Variants in ABCA13 observed in about 807,000 individuals in gnomAD.
ABCA13 encodes ATP-binding cassette sub-family A member 13.
ABCA13 carries 476 observed loss-of-function variants against 478.7 expected under a neutral mutation model. The ratio of observed to expected loss-of-function variants is 0.99; its 90% confidence interval spans 0.92 to 1.07. The LOEUF (loss-of-function observed/expected upper bound fraction) is 1.07. ABCA13 is among the 50% of genes least tolerant of loss of function. The probability of loss-of-function intolerance (pLI) is 0.00; values close to 1 mark genes in which losing one functional copy is unlikely to be tolerated. For missense variants in ABCA13, 6,060 were observed against 5,910.6 expected, an observed-to-expected ratio of 1.03 and a Z score of -0.83; for synonymous variants, 2,252 against 2,158.9, an observed-to-expected ratio of 1.04 and a Z score of -1.20.
intron 35 of ABCA13, among the ~76,000 whole-genome samples, chr7:48,377,673 T>A (rs1464634842): frequency 6.6e-6 from 1 of 152,126 alleles, no homozygotes; most frequent in Non-Finnish European, 1.5e-5. Flanking sequence ...TGTGATTTAT[T>A]TAGGAAAAAC....
chr7:48,273,632 TATC>T lies in ABCA13; in HGVS notation c.3971_3973del (p.Ile1324del), dbSNP rs1436627331. On this transcript the variant is annotated inframe_deletion, in exon 17 of 62. Coordinates refer to ENST00000435803, the MANE Select transcript of ABCA13 (RefSeq NM_152701.5). ...CAAATTATGGAGAAAAATTTGAAAA[TATC>T]ATCACTGAGCTAAGAGAAGCAATAG... The T allele has an allele frequency of 2.5e-6, 4 of 1,604,556 alleles. No individual in the cohort carries two copies. The highest frequency in any genetic ancestry group is 2.2e-5 in the South Asian group (2 of 89,764).
chr7:48,395,241 G>C (rs1816681043), intron 38 of ABCA13, among the ~76,000 whole-genome samples: 1 of 152,200 alleles, frequency 6.6e-6, no homozygotes, highest in Non-Finnish European at 1.5e-5. Flanking sequence ...CCAGTTGCAG[G>C]TGGAGGATGG....
At chr7:48,270,239 C>T (rs1162657054) in intron 16 of ABCA13, among the ~76,000 whole-genome samples, 1 of 152,016 alleles carries the variant, frequency 6.6e-6, no homozygotes, top group Non-Finnish European at 1.5e-5. Context: ...CAGCTTGAAC[C>T]TGTCAATTAA....
intron 57 of ABCA13, among the ~76,000 whole-genome samples, chr7:48,594,164 C>T (rs1790047520): frequency 6.6e-6 from 1 of 152,004 alleles, no homozygotes; most frequent in Non-Finnish European, 1.5e-5. Context: ...CTTTTTCTCA[C>T]CTTTTTTATT....
chr7:48,635,604 C>T (rs1023319737), intron 59 of ABCA13, among the ~76,000 whole-genome samples: 1 of 152,194 alleles, frequency 6.6e-6, no homozygotes, highest in Admixed American at 6.5e-5. Context: ...GGCACCATCA[C>T]CTCTCATCTG....
chr7:48,433,146 T>G (rs976421689), intron 42 of ABCA13, among the ~76,000 whole-genome samples: 5 of 151,782 alleles, frequency 3.3e-5, no homozygotes, highest in African/African-American at 4.8e-5. Flanking sequence ...AAATAAAATC[T>G]ACCAAGTGTG....
At position 48,273,697 on chromosome 7, in the gene ABCA13, T is replaced by G; in HGVS notation, c.4031T>G (p.Phe1344Cys). 6.2e-7 allele frequency: 1 copy of G among 1,608,582 alleles called. No homozygotes were observed. Among genetic ancestry groups the G allele is most frequent in the Non-Finnish European group, 8.5e-7 (1 of 1,177,052 alleles). Reference sequence around the variant, plus strand: ...AATGTATCACATGATCGAGATTTGTTTTCCTGTGCTGATATTTTCCAAAAT... The same window carrying G: ...AATGTATCACATGATCGAGATTTGTGTTCCTGTGCTGATATTTTCCAAAAT... The part of the protein sequence containing the change: ...LRNVSHDRDL[F>C]SCADIFQNVT... The change falls in exon 17 of 62, where the codon TTT becomes TGT. Residue 1344 changes from phenylalanine (F) to cysteine (C), a missense_variant. By Grantham distance (205) the Phe-to-Cys change is radical. Coordinates refer to ENST00000435803, the MANE Select transcript of ABCA13 (RefSeq NM_152701.5).
intron 27 of ABCA13, among the ~76,000 whole-genome samples, chr7:48,328,169 G>A (rs189965752): frequency 9.9e-5 from 15 of 152,256 alleles, no homozygotes; most frequent in Admixed American, 9.2e-4. Context: ...AAACTTGTAC[G>A]GGCTGGAAGT....
intron 10 of ABCA13, among the ~76,000 whole-genome samples, chr7:48,241,322 A>G (rs1790803804): frequency 6.6e-6 from 1 of 152,192 alleles, no homozygotes; most frequent in South Asian, 2.1e-4. Flanking sequence ...TCAGTTTCCT[A>G]GATTTTAGAT....
Position 48,302,261 on chromosome 7 carries a change from C to T in ABCA13, c.9321+3774C>T, listed in dbSNP as rs79593475. On this transcript the variant is annotated intron_variant, in intron 23 of 61. Transcript: ENST00000435803. ...TTGCACTTATGTAAATATTTTTAAA[C>T]CTTAATTCCCCAATTGGCATTGATC... Among the ~76,000 whole-genome samples, 3 of 152,278 alleles carry T rather than the reference C, an allele frequency of 2.0e-5. No individual in the cohort carries two copies. In the East Asian group the frequency reaches 5.8e-4, roughly 29 times the overall value.
chr7:48,279,062 C>T lies in ABCA13; in HGVS notation c.7868C>T (p.Ser2623Leu). The T allele has an allele frequency of 3.7e-6, 6 of 1,612,930 alleles. No individual in the cohort carries two copies. Among genetic ancestry groups the T allele is most frequent in the Non-Finnish European group, 5.1e-6 (6 of 1,179,768 alleles). The change falls in exon 18 of 62, where the codon TCA (serine) becomes TTA (leucine). Residue 2623 changes from serine (S) to leucine (L), a missense_variant. This residue lies in a region of ABCA13 where 4,423 missense variants were observed against 4,309.1 expected (regional missense o/e 1.03). Transcript: ENST00000435803. ...DIFSMSPSIL[S>L]YMNQSKDFSD... ...TTCAGTATGTCACCTAGCATACTCT[C>T]ATATATGAACCAATCTAAGGACTTT...
chr7:48,594,811 C>T lies in ABCA13; in HGVS notation c.14742C>T (p.His4914=). ...REGCAAVLTS[H]SMEECEALCT... Reference sequence around the variant, plus strand: ...GCTGTGCTGCGGTGCTGACCTCCCACAGGTGAGTTCCAGTTTCTCTTGTAG... The same window carrying T: ...GCTGTGCTGCGGTGCTGACCTCCCATAGGTGAGTTCCAGTTTCTCTTGTAG... The change falls in exon 58 of 62, where the codon CAC becomes CAT. Residue 4914 remains histidine (H), a splice_region_variant and synonymous_variant. Coordinates refer to ENST00000435803, the MANE Select transcript of ABCA13 (RefSeq NM_152701.5). 6.2e-7 allele frequency: 1 copy of T among 1,613,430 alleles called. No homozygotes were observed. Among genetic ancestry groups the T allele is most frequent in the Non-Finnish European group, 8.5e-7 (1 of 1,179,394 alleles).
Position 48,455,274 on chromosome 7 carries a change from C to A in ABCA13, c.12803C>A (p.Thr4268Asn). 1.2e-6 allele frequency: 2 copies of A among 1,603,314 alleles called. No homozygotes were observed. Among genetic ancestry groups the A allele is most frequent in the Non-Finnish European group, 1.7e-6 (2 of 1,174,644 alleles). ...LTPGHYQRAETYFFSSGGDNL... is the reference protein window; with the variant it reads ...LTPGHYQRAENYFFSSGGDNL... ...CCTGGACATTACCAGCGGGCCGAGA[C>A]CTACTTTTTCAGGTAAGTTGTTTTT... Residue 4268 changes from threonine to asparagine, a missense_variant, in exon 43 of 62, where the codon ACC (threonine) becomes AAC (asparagine). Thr to Asn is a moderately conservative substitution (Grantham distance 65). This residue lies in a region of ABCA13 where 1,627 missense variants were observed against 1,571.0 expected (regional missense o/e 1.04). Coordinates refer to ENST00000435803, the MANE Select transcript of ABCA13 (RefSeq NM_152701.5).
At chr7:48,290,940 G>GAAAAA (rs57470116) in intron 20 of ABCA13, among the ~76,000 whole-genome samples, 2 of 48,828 alleles carry the variant, frequency 4.1e-5, no homozygotes, top group African/African-American at 1.1e-4. Context: ...CACACTCAGG[G>GAAAAA]AAAAAAAAAA....
At chr7:48,577,171 T>C (rs1020372210) in intron 55 of ABCA13, among the ~76,000 whole-genome samples, 4 of 151,828 alleles carry the variant, frequency 2.6e-5, no homozygotes, top group Non-Finnish European at 5.9e-5. Context: ...GTTACTAAAC[T>C]AGAGGGAGAG....
chr7:48,506,512 C>A (rs1831223014), intron 49 of ABCA13, 122 bp downstream of exon 49: 2 of 1,063,124 alleles, frequency 1.9e-6, no homozygotes, highest in Non-Finnish European at 2.8e-6. Context: ...ATAGAGTTAG[C>A]AGGAAATGCC....
intron 3 of ABCA13, among the ~76,000 whole-genome samples, chr7:48,200,970 G>A (rs928685045): frequency 1.4e-5 from 2 of 145,736 alleles, no homozygotes; most frequent in African/African-American, 5.1e-5. Flanking sequence ...CAAGTCCAGC[G>A]GAGACAAAGG....
intron 41 of ABCA13, among the ~76,000 whole-genome samples, chr7:48,418,564 G>A (rs1480200129): frequency 6.6e-6 from 1 of 152,124 alleles, no homozygotes. Context: ...TGAGTTTTAA[G>A]AGCTCTTTGT....
Position 48,213,053 on chromosome 7 carries a change from AG to A in ABCA13, c.288-6300del, listed in dbSNP as rs1785909445. On this transcript the variant is annotated intron_variant, in intron 3 of 61. Coordinates refer to ENST00000435803, the MANE Select transcript of ABCA13 (RefSeq NM_152701.5). Reference sequence around the variant, plus strand: ...TGTATTTTCTATGTTTAATAATTTTAGCTTTTGTTTATAGGTACAATTTATT... The same window carrying A: ...TGTATTTTCTATGTTTAATAATTTTACTTTTGTTTATAGGTACAATTTATT... 6.6e-5 allele frequency among the ~76,000 whole-genome samples: 10 copies of A among 152,136 alleles called. No individual in the cohort carries two copies. The South Asian group carries it at 2.1e-3, about 32-fold the overall frequency.
Sources: gnomAD v4.1 joint callset for allele counts (sites outside exome capture counted in the v4.1 genomes callset) on GRCh38, gnomAD v4.1.1 for gene constraint, gnomAD v4.1.1 regional missense constraint, MANE v1.5 for transcripts, NCBI Gene and HGNC (gene_info 2026-07-23, HGNC 2026-07-21) for gene names.